Variants in PDE3A observed in about 807,000 individuals in gnomAD.
PDE3A encodes the protein cGMP-inhibited 3',5'-cyclic phosphodiesterase 3A.
Under a neutral mutation model 98.3 loss-of-function variants are expected in PDE3A, and 43 were observed. The observed-to-expected ratio is 0.44, with a 90% CI of 0.34 to 0.56. The LOEUF (loss-of-function observed/expected upper bound fraction) is 0.56, where lower values mean the gene tolerates loss of function less well. Ranked by LOEUF, PDE3A falls within the 20% of genes least tolerant of loss-of-function variation. PDE3A has a pLI of 0.01. For missense variants in PDE3A, 1,427 were observed against 1,440.7 expected, an observed-to-expected ratio of 0.99 and a Z score of 0.15; for synonymous variants, 663 against 567.9, an observed-to-expected ratio of 1.17 and a Z score of -2.38.
At chr12:20,432,646 T>G (rs543246603) in intron 1 of PDE3A, among the ~76,000 whole-genome samples, 1 of 152,290 alleles carries the variant, frequency 6.6e-6, no homozygotes, top group Non-Finnish European at 1.5e-5. Flanking sequence ...AGGAAGAGCT[T>G]CAATTATTTT....
At chr12:20,477,151 A>G (rs74066450) in intron 1 of PDE3A, among the ~76,000 whole-genome samples, 1 of 152,140 alleles carries the variant, frequency 6.6e-6, no homozygotes, top group East Asian at 1.9e-4. Context: ...TTGCTAGAGT[A>G]CAAAAAAGGA....
chr12:20,552,472 C>G lies in PDE3A; in HGVS notation c.961-4188C>G. On this transcript the variant is annotated intron_variant, in intron 1 of 15. Transcript: ENST00000359062. This position sits in a 1 kb window ranked among gnomAD's most constrained non-coding sequence, Gnocchi z 5.1. ...GTATCCAGAAGGCTACCTGGAAGCC[C>G]TGGCCAACCGAGAGCGAGAGAAGGA... 1 of 1,612,760 alleles carries G rather than the reference C, an allele frequency of 6.2e-7. No individual in the cohort carries two copies. The highest frequency in any genetic ancestry group is 8.5e-7 in the Non-Finnish European group (1 of 1,179,644).
chr12:20,428,268 A>T (rs2120787505), intron 1 of PDE3A, among the ~76,000 whole-genome samples: 1 of 152,220 alleles, frequency 6.6e-6, no homozygotes, highest in African/African-American at 2.4e-5. Context: ...AAAAAATTAA[A>T]ATATTATTAT....
chr12:20,676,832 C>T (rs966265018), intron 15 of PDE3A, among the ~76,000 whole-genome samples: 1 of 152,078 alleles, frequency 6.6e-6, no homozygotes, highest in Non-Finnish European at 1.5e-5. Flanking sequence ...CTACAATGCA[C>T]CACGGGGAGG....
At chr12:20,679,156 C>G (rs1396468341) in intron 15 of PDE3A, among the ~76,000 whole-genome samples, 1 of 152,030 alleles carries the variant, frequency 6.6e-6, no homozygotes, top group Non-Finnish European at 1.5e-5. Context: ...TAGACAATAC[C>G]AGCTTGAAAA....
rs147657691 is a variant in PDE3A at position 20,396,560 on chromosome 12, G to T, written c.960+26316G>T. Among the ~76,000 whole-genome samples the T allele has an allele frequency of 6.5e-3, 985 of 152,148 alleles. 8 individuals are homozygous for T. The highest frequency in any genetic ancestry group is 0.022 in the African/African-American group (921 of 41,510). The stretch of plus-strand genomic sequence containing the variant: ...AACTTCCAGTTGACAAAAACTGGAA[G>T]ACATACATACTAGCTTAGATGATTG... On this transcript the variant is annotated intron_variant, in intron 1 of 15. Coordinates refer to ENST00000359062, the MANE Select transcript of PDE3A (RefSeq NM_000921.5).
rs573836972 is a variant in PDE3A, at chr12:20,683,560, G to A, written c.*3289G>A. 1.3e-5 allele frequency: 2 copies of A among 152,110 alleles called. No homozygotes were observed. Among genetic ancestry groups the A allele is most frequent in the Non-Finnish European group, 2.9e-5 (2 of 67,982 alleles). 9.4% of individuals were successfully genotyped at this position (152,110 alleles called of 1,614,324 possible). The stretch of plus-strand genomic sequence containing the variant: ...TCAGCATGCTAATAAATGTCTTTCC[G>A]GTTATATATCTATCTAAATTAACCT... On this transcript the variant is annotated 3_prime_UTR_variant, in exon 16 of 16. Transcript: ENST00000359062.
At chr12:20,617,852 G>A (rs1473919037) in intron 4 of PDE3A, among the ~76,000 whole-genome samples, 1 of 152,044 alleles carries the variant, frequency 6.6e-6, no homozygotes, top group Non-Finnish European at 1.5e-5. Context: ...TCAATTAAAT[G>A]AACTTGAGGG....
chr12:20,581,046 T>TCAAA (rs1592078046), intron 2 of PDE3A, among the ~76,000 whole-genome samples: 1 of 152,348 alleles, frequency 6.6e-6, no homozygotes, highest in Middle Eastern at 3.4e-3. Context: ...ACTGAGATTT[T>TCAAA]CAAACAACCT....
At chr12:20,613,901 A>C (rs1287228735) in intron 3 of PDE3A, among the ~76,000 whole-genome samples, 1 of 152,164 alleles carries the variant, frequency 6.6e-6, no homozygotes, top group East Asian at 1.9e-4. Context: ...TATACATAGA[A>C]AATTTATCTT....
intron 1 of PDE3A, among the ~76,000 whole-genome samples, chr12:20,400,467 C>T (rs1944108430): frequency 1.4e-5 from 2 of 140,240 alleles, no homozygotes. Context: ...AGTGCAGTGG[C>T]GCTATCACGG....
At chr12:20,419,017 T>C in intron 1 of PDE3A, among the ~76,000 whole-genome samples, 1 of 152,174 alleles carries the variant, frequency 6.6e-6, no homozygotes, top group East Asian at 1.9e-4. Context: ...TTTTAGTAAA[T>C]TCTTGGTTGC....
At chr12:20,496,383 C>G (rs1319137902) in intron 1 of PDE3A, among the ~76,000 whole-genome samples, 1 of 152,132 alleles carries the variant, frequency 6.6e-6, no homozygotes, top group Non-Finnish European at 1.5e-5. Flanking sequence ...CATTATGCTC[C>G]TTAGAACTTG....
chr12:20,581,002 T>C (rs75168980), intron 2 of PDE3A, among the ~76,000 whole-genome samples: 4,872 of 152,308 alleles, frequency 0.032, 100 homozygotes, highest in Middle Eastern at 0.048. Flanking sequence ...GGTTTCACTA[T>C]CAAGAAAATT....
At chr12:20,479,786 ATCT>A (rs1021168760) in intron 1 of PDE3A, among the ~76,000 whole-genome samples, 2 of 152,200 alleles carry the variant, frequency 1.3e-5, no homozygotes, top group African/African-American at 2.4e-5. Context: ...ATTGCTCGAA[ATCT>A]TCTATGAACT....
intron 1 of PDE3A, among the ~76,000 whole-genome samples, chr12:20,453,807 C>T (rs1375419882): frequency 6.6e-6 from 1 of 152,078 alleles, no homozygotes; most frequent in Non-Finnish European, 1.5e-5. Flanking sequence ...AAATTTTATT[C>T]CACCTGACTT....
intron 1 of PDE3A, among the ~76,000 whole-genome samples, chr12:20,498,166 A>C (rs1027276913): frequency 2.0e-5 from 3 of 152,158 alleles, no homozygotes; most frequent in Non-Finnish European, 4.4e-5. Flanking sequence ...ACTGGTAACT[A>C]TACCTATGTT....
intron 1 of PDE3A, among the ~76,000 whole-genome samples, chr12:20,496,727 T>G (rs1208430649): frequency 6.6e-6 from 1 of 152,214 alleles, no homozygotes; most frequent in Non-Finnish European, 1.5e-5. Flanking sequence ...CTATGTTGGA[T>G]AGAAAAGATA....
Position 20,676,102 on chromosome 12 carries a change from G to A in PDE3A, c.3185-3928G>A, listed in dbSNP as rs550767169. On this transcript the variant is annotated intron_variant, in intron 15 of 15. Coordinates refer to ENST00000359062, the MANE Select transcript of PDE3A (RefSeq NM_000921.5). ...TCTTATTGTTTATCATTGCAGTTGG[G>A]TGGTTTTCTGTAGTGCTAACATTTG... Among the ~76,000 whole-genome samples, 55 of 152,124 alleles carry A rather than the reference G, an allele frequency of 3.6e-4. 1 individual carries two copies. Among genetic ancestry groups the A allele is most frequent in the Middle Eastern group, 6.8e-3 (2 of 294 alleles).
Sources: gnomAD v4.1 joint callset for allele counts (sites outside exome capture counted in the v4.1 genomes callset) on GRCh38, gnomAD v4.1.1 for gene constraint, Gnocchi (gnomAD v3.1) non-coding constraint, MANE v1.5 for transcripts, NCBI Gene and HGNC (gene_info 2026-07-23, HGNC 2026-07-21) for gene names.